SLC22A13: variants seen among roughly 807,000 people sequenced by gnomAD.
SLC22A13 encodes the protein solute carrier family 22 member 13.
A neutral mutation model predicts 49.1 loss-of-function variants in SLC22A13; 42 were observed. That is an observed-to-expected ratio of 0.85 (90% confidence interval 0.67 to 1.11). The LOEUF is 1.11. Among genes scored for constraint, SLC22A13 ranks in the 50% least tolerant of loss-of-function variants. The pLI, the probability that SLC22A13 is intolerant of heterozygous loss-of-function variation, is 0.00. For synonymous variants in SLC22A13, 282 were observed against 293.1 expected (o/e 0.96, Z 0.39); for missense variants, 694 against 712.8 (o/e 0.97, Z 0.30).
intron 1 of SLC22A13, among the ~76,000 whole-genome samples, chr3:38,269,418 C>T (rs754244440): frequency 4.6e-5 from 7 of 152,010 alleles, no homozygotes; most frequent in African/African-American, 1.2e-4. Context: ...CCACCATGCC[C>T]GGCTAATTTT....
At chr3:38,274,034 C>T (rs754889746) in intron 1 of SLC22A13, among the ~76,000 whole-genome samples, 7 of 152,232 alleles carry the variant, frequency 4.6e-5, no homozygotes, top group African/African-American at 9.6e-5. Context: ...ACGTTGAAAG[C>T]GTGAACTATC....
At chr3:38,275,529 C>A (rs747393946) in intron 5 of SLC22A13, 39 bp downstream of exon 5, 4 of 1,614,050 alleles carry the variant, frequency 2.5e-6, no homozygotes, top group Non-Finnish European at 3.4e-6. Flanking sequence ...CAGAATCAGA[C>A]CCACACGGAT....
At position 38,277,506 on chromosome 3, in the gene SLC22A13, GC is replaced by G; in HGVS notation, c.*43del. The G allele has an allele frequency of 1.4e-6, 2 of 1,461,544 alleles. No homozygotes were observed. Among genetic ancestry groups the G allele is most frequent in the Non-Finnish European group, 1.9e-6 (2 of 1,046,116 alleles). 90.5% of individuals were successfully genotyped at this position (1,461,544 alleles called of 1,614,324 possible). A position where few individuals can be genotyped will look rare whatever the true frequency, so the allele number is the denominator to read the frequency against. On this transcript the variant is annotated 3_prime_UTR_variant, in exon 10 of 10. Coordinates refer to ENST00000311856, the MANE Select transcript of SLC22A13 (RefSeq NM_004256.4). ...GCTGGACCATCAGCAGCAGGGAGCT[GC>G]CTAAACACCTCCTTGGATATGGCCA...
intron 1 of SLC22A13, 85 bp downstream of exon 1, chr3:38,266,323 C>G: frequency 1.4e-6 from 2 of 1,473,538 alleles, no homozygotes; most frequent in Non-Finnish European, 1.9e-6. Context: ...GTCACTGGCT[C>G]TGTATCTGCC....
Position 38,276,369 on chromosome 3 carries a change from T to C in SLC22A13, c.1320T>C (p.Ser440=). 6.2e-7 allele frequency: 1 copy of C among 1,612,632 alleles called. No homozygotes were observed. The highest frequency in any genetic ancestry group is 8.5e-7 in the Non-Finnish European group (1 of 1,179,062). The change falls in exon 8 of 10, where the codon TCT becomes TCC. Residue 440 remains serine, a synonymous_variant. Transcript: ENST00000311856. Reference sequence around the variant, plus strand: ...CCTTTACCATCTCCTATGTGTACTCTGCCGAGCTTTTCCCCACCATCCTCC... The same window carrying C: ...CCTTTACCATCTCCTATGTGTACTCCGCCGAGCTTTTCCCCACCATCCTCC... ...AAAFTISYVY[S]AELFPTILRQ... is the part of the protein sequence containing the mutation.
chr3:38,275,575 C>T lies in SLC22A13; in HGVS notation c.928-3C>T. On this transcript the variant is annotated splice_region_variant and splice_polypyrimidine_tract_variant and intron_variant, in intron 5 of 9. Coordinates refer to ENST00000311856, the MANE Select transcript of SLC22A13 (RefSeq NM_004256.4). ...GGCTTCTCACTCTGCTTCTTCCTCC[C>T]AGCTGGTCCCAGAGAAGACAGGCCC... The T allele has an allele frequency of 6.2e-7, 1 of 1,614,102 alleles. No individual in the cohort carries two copies. Among genetic ancestry groups the T allele is most frequent in the Non-Finnish European group, 8.5e-7 (1 of 1,179,926 alleles).
At chr3:38,273,345 C>G (rs921290584) in intron 1 of SLC22A13, among the ~76,000 whole-genome samples, 3 of 152,162 alleles carry the variant, frequency 2.0e-5, no homozygotes, top group African/African-American at 4.8e-5. Context: ...CTCTGTGTCT[C>G]TCTCTTTCTC....
intron 1 of SLC22A13, among the ~76,000 whole-genome samples, chr3:38,267,754 C>T (rs1329607906): frequency 6.6e-6 from 1 of 152,292 alleles, no homozygotes; most frequent in Non-Finnish European, 1.5e-5. Flanking sequence ...CCAGAATTTG[C>T]TTCCTCCTGG....
chr3:38,275,095 C>A lies in SLC22A13; in HGVS notation c.744C>A (p.Arg248=). 1 of 1,614,222 alleles carries A rather than the reference C, an allele frequency of 6.2e-7. No homozygotes were observed. The highest frequency in any genetic ancestry group is 8.5e-7 in the Non-Finnish European group (1 of 1,180,026). Residue 248 remains arginine, a synonymous_variant, in exon 4 of 10, where the codon CGC becomes CGA. Transcript: ENST00000311856. ...TTGCGGGACTCGCCTACGGTTTCCG[C>A]AACTGGAGGCTCCTTCAGATCACCG... The part of the protein sequence containing the change: ...MVLAGLAYGF[R]NWRLLQITGT...
chr3:38,272,701 T>G (rs1575390429), intron 1 of SLC22A13, among the ~76,000 whole-genome samples: 1 of 152,364 alleles, frequency 6.6e-6, no homozygotes, highest in Middle Eastern at 3.4e-3. Flanking sequence ...TGTTGAAAGT[T>G]CTTGAAAATT....
chr3:38,266,491 G>A (rs961256955), intron 1 of SLC22A13, among the ~76,000 whole-genome samples: 1 of 152,144 alleles, frequency 6.6e-6, no homozygotes, highest in Non-Finnish European at 1.5e-5. Flanking sequence ...TGTCGTCTCT[G>A]TCTTTCCTTG....
In SLC22A13 at chr3:38,275,019, C is replaced by A. The variant is rs142941998; in HGVS notation, c.668C>A (p.Thr223Lys). ...GAATGGGTGGGGCCCTCATGGAGGA[C>A]GCAGGCCGTGGTCCTGGCCCAGTGC... ...LTEWVGPSWR[T>K]QAVVLAQCNF... The change falls in exon 4 of 10, where the codon ACG becomes AAG. Residue 223 changes from threonine (T) to lysine (K), a missense_variant. Transcript: ENST00000311856. 5 of 1,614,170 alleles carry A rather than the reference C, an allele frequency of 3.1e-6. No individual in the cohort carries two copies. The highest frequency in any genetic ancestry group is 4.2e-6 in the Non-Finnish European group (5 of 1,180,004).
chr3:38,266,274 G>A, intron 1 of SLC22A13, 36 bp downstream of exon 1: 1 of 1,597,380 alleles, frequency 6.3e-7, no homozygotes. Context: ...TCCACCGGTT[G>A]TGGGTCTGTC....
Position 38,274,584 on chromosome 3 carries a change from G to C in SLC22A13, c.483-20G>C, listed in dbSNP as rs775602184. ...CCTTCCGGGAGGGACCCTCCCCACA[G>C]ACCTGCCCTGTTTCCTCAGGATTGG... On this transcript the variant is annotated intron_variant, in intron 2 of 9. Coordinates refer to ENST00000311856, the MANE Select transcript of SLC22A13 (RefSeq NM_004256.4). 2.5e-6 allele frequency: 4 copies of C among 1,611,224 alleles called. No individual in the cohort carries two copies. In the Admixed American group the frequency reaches 6.7e-5, roughly 27 times the overall value.
At chr3:38,275,789 T>C (rs1703573937) in intron 6 of SLC22A13, 93 bp from the exon 7 acceptor site, 1 of 1,472,254 alleles carries the variant, frequency 6.8e-7, no homozygotes, top group African/African-American at 1.4e-5. Context: ...GTTGTGCCAG[T>C]GTCCCCTGCT....
intron 8 of SLC22A13, among the ~76,000 whole-genome samples, 156 bp from the exon 9 acceptor site, chr3:38,276,756 G>A (rs1453764397): frequency 6.6e-6 from 1 of 152,198 alleles, no homozygotes; most frequent in Non-Finnish European, 1.5e-5. Context: ...CAGGGTTGGA[G>A]GCAGGAGCAG....
chr3:38,277,473 C>T lies in SLC22A13; in HGVS notation c.*8C>T. The stretch of plus-strand genomic sequence containing the variant: ...AGCAGCACATACTTCTGATTGAGGT[C>T]TCTAAGAGCTGGACCATCAGCAGCA... On this transcript the variant is annotated 3_prime_UTR_variant, in exon 10 of 10. Coordinates refer to ENST00000311856, the MANE Select transcript of SLC22A13 (RefSeq NM_004256.4). 6.2e-7 allele frequency: 1 copy of T among 1,604,688 alleles called. No individual in the cohort carries two copies. The highest frequency in any genetic ancestry group is 8.5e-7 in the Non-Finnish European group (1 of 1,172,088).
intron 1 of SLC22A13, among the ~76,000 whole-genome samples, chr3:38,268,726 T>C (rs1210827240): frequency 6.6e-6 from 1 of 152,096 alleles, no homozygotes; most frequent in African/African-American, 2.4e-5. Flanking sequence ...CCACCCACAT[T>C]AGTGAGTTTC....
chr3:38,273,576 A>G (rs1028299445), intron 1 of SLC22A13, among the ~76,000 whole-genome samples: 20 of 152,164 alleles, frequency 1.3e-4, no homozygotes, highest in Non-Finnish European at 7.3e-5. Context: ...TGCCCTGGCT[A>G]TGGAGAAGCG....
Sources: allele counts gnomAD v4.1 joint callset (sites outside exome capture counted in the v4.1 genomes callset), GRCh38; gene constraint gnomAD v4.1.1; transcripts MANE v1.5; gene names NCBI Gene and HGNC (gene_info 2026-07-23, HGNC 2026-07-21).